COMMD1: variants seen among roughly 807,000 people sequenced by gnomAD.
COMMD1 encodes COMM domain-containing protein 1.
Under a neutral mutation model 17.2 loss-of-function variants are expected in COMMD1, and 10 were observed. That is an observed-to-expected ratio of 0.58 (90% CI 0.36 to 0.99). The LOEUF (loss-of-function observed/expected upper bound fraction) is 0.99. COMMD1 is among the 50% of genes least tolerant of loss of function. COMMD1 has a pLI of 0.01. For synonymous variants in COMMD1, 97 were observed against 91.6 expected, an observed-to-expected ratio of 1.06 and a Z score of -0.34; for missense variants, 270 against 231.8, an observed-to-expected ratio of 1.17 and a Z score of -1.07.
At chr2:61,945,056 C>T (rs147758601) in intron 1 of COMMD1, among the ~76,000 whole-genome samples, 18 of 152,248 alleles carry the variant, frequency 1.2e-4, no homozygotes, top group African/African-American at 4.3e-4. Flanking sequence ...CTCGTCAAAC[C>T]TGATGGGAGA....
At chr2:61,919,543 G>GTTT (rs200340833) in intron 1 of COMMD1, among the ~76,000 whole-genome samples, 1 of 122,522 alleles carries the variant, frequency 8.2e-6, no homozygotes, top group Non-Finnish European at 1.8e-5. Flanking sequence ...GCTTCATCGC[G>GTTT]TTTTTTTTTT....
intron 1 of COMMD1, among the ~76,000 whole-genome samples, chr2:61,919,211 A>C (rs897947495): frequency 6.6e-6 from 1 of 152,060 alleles, no homozygotes; most frequent in Non-Finnish European, 1.5e-5. Context: ...GGGTTTCTCC[A>C]TGTTGCTTCA....
intron 2 of COMMD1, among the ~76,000 whole-genome samples, chr2:62,061,929 T>C (rs1344738677): frequency 6.8e-6 from 1 of 146,562 alleles, no homozygotes; most frequent in South Asian, 2.1e-4. Context: ...ATGTGCTACA[T>C]AAATTTCAGT....
At chr2:62,122,551 A>G (rs535988367) in intron 2 of COMMD1, among the ~76,000 whole-genome samples, 1 of 151,678 alleles carries the variant, frequency 6.6e-6, no homozygotes, top group African/African-American at 2.4e-5. Context: ...GACTGCTTTG[A>G]AATCTCTAGG....
At chr2:61,971,396 A>G (rs1335743309) in intron 1 of COMMD1, among the ~76,000 whole-genome samples, 1 of 152,172 alleles carries the variant, frequency 6.6e-6, no homozygotes, top group Non-Finnish European at 1.5e-5. Context: ...AGTGGAGAGG[A>G]ATGGGAAGGG....
intron 2 of COMMD1, among the ~76,000 whole-genome samples, chr2:62,019,202 T>A (rs1445508923): frequency 1.3e-5 from 2 of 149,420 alleles, no homozygotes; most frequent in Non-Finnish European, 3.0e-5. Context: ...TGATGGAGTT[T>A]CACTCTTGTT....
chr2:62,105,853 C>G (rs1237761510), intron 2 of COMMD1, among the ~76,000 whole-genome samples: 4 of 152,150 alleles, frequency 2.6e-5, no homozygotes, highest in Non-Finnish European at 5.9e-5. Flanking sequence ...CCAGATCTCT[C>G]AAGAACTCAT....
intron 2 of COMMD1, among the ~76,000 whole-genome samples, chr2:62,017,638 C>G (rs1669489102): frequency 6.6e-6 from 1 of 151,638 alleles, no homozygotes; most frequent in Non-Finnish European, 1.5e-5. Flanking sequence ...CCACTGCACT[C>G]CAGCCTGGGT....
intron 2 of COMMD1, among the ~76,000 whole-genome samples, chr2:62,105,018 G>A (rs539582775): frequency 6.6e-6 from 1 of 151,962 alleles, no homozygotes; most frequent in African/African-American, 2.4e-5. Flanking sequence ...CCAGCTACTC[G>A]GGAGGTTGAG....
chr2:62,123,304 GA>G (rs1359538815), intron 2 of COMMD1, among the ~76,000 whole-genome samples: 1 of 152,072 alleles, frequency 6.6e-6, no homozygotes, highest in East Asian at 1.9e-4. Context: ...AGGAGTTCAA[GA>G]CCAGCCTGGC....
intron 2 of COMMD1, among the ~76,000 whole-genome samples, chr2:62,043,639 C>G (rs1670298713): frequency 6.6e-6 from 1 of 152,140 alleles, no homozygotes; most frequent in Non-Finnish European, 1.5e-5. Flanking sequence ...TATTAGTTCC[C>G]TAAACTAATA....
chr2:61,906,414 T>C (rs1194164099), intron 1 of COMMD1, among the ~76,000 whole-genome samples: 1 of 152,262 alleles, frequency 6.6e-6, no homozygotes, highest in Non-Finnish European at 1.5e-5. Context: ...ATATCTTATT[T>C]AATCCAGAAT....
intron 1 of COMMD1, among the ~76,000 whole-genome samples, chr2:61,909,130 GT>G (rs1669843435): frequency 6.6e-6 from 1 of 151,676 alleles, no homozygotes; most frequent in Admixed American, 6.6e-5. Context: ...GTTTCTCCAC[GT>G]TGGTCAGGCT....
At chr2:62,038,154 G>A (rs1664394295) in intron 2 of COMMD1, among the ~76,000 whole-genome samples, 1 of 152,102 alleles carries the variant, frequency 6.6e-6, no homozygotes. Flanking sequence ...CGGGCGTGGT[G>A]GCATGCACCT....
intron 1 of COMMD1, among the ~76,000 whole-genome samples, chr2:61,954,920 C>T (rs1671156849): frequency 6.6e-6 from 1 of 152,192 alleles, no homozygotes; most frequent in South Asian, 2.1e-4. Flanking sequence ...AGCGATCCAC[C>T]CGCCTCGGCC....
In COMMD1 at chr2:62,016,206, CT is replaced by C. The variant is rs769583167; in HGVS notation, c.462+15243del. ...TTGTCTCTCTTTTTTCTTTTCTTTT[CT>C]TTTTTTTTTTTTTTTTTTCGAGACA... On this transcript the variant is annotated intron_variant, in intron 2 of 2. Transcript: ENST00000311832. Among the ~76,000 whole-genome samples, 924 of 112,234 alleles carry C rather than the reference CT, an allele frequency of 8.2e-3. 10 individuals carry two copies. Among genetic ancestry groups the C allele is most frequent in the East Asian group, 0.026 (114 of 4,318 alleles). The allele number at this position is 112,234 out of a possible 152,430, so 73.6% of individuals were successfully genotyped here. A position where few individuals can be genotyped will look rare whatever the true frequency, so the allele number is the denominator to read the frequency against.
chr2:62,100,423 A>T (rs776253261), intron 2 of COMMD1: 2 of 152,198 alleles, frequency 1.3e-5, no homozygotes, highest in Non-Finnish European at 2.9e-5. Context: ...GGTCCTGAGA[A>T]CATGTGCCCA....
chr2:62,105,886 A>G (rs1672314610), intron 2 of COMMD1, among the ~76,000 whole-genome samples: 1 of 152,246 alleles, frequency 6.6e-6, no homozygotes, highest in African/African-American at 2.4e-5. Flanking sequence ...AGACAGCACC[A>G]ACCCTCCAAC....
chr2:62,021,996 A>AT (rs11301841), intron 2 of COMMD1, among the ~76,000 whole-genome samples: 46 of 151,878 alleles, frequency 3.0e-4, no homozygotes, highest in African/African-American at 1.1e-3. Context: ...ATAAACTCCT[A>AT]TTTTTTTTTG....
Sources: gnomAD v4.1 joint callset for allele counts (sites outside exome capture counted in the v4.1 genomes callset) on GRCh38, gnomAD v4.1.1 for gene constraint, MANE v1.5 for transcripts, NCBI Gene and HGNC (gene_info 2026-07-23, HGNC 2026-07-21) for gene names.